Variants in VCF1 observed in about 807,000 individuals in gnomAD.
The protein encoded by VCF1 is VCP nuclear cofactor family member 1.
chr17:73,231,798 C>T, the VCF1 span, among the ~76,000 whole-genome samples: 1 of 151,998 alleles, frequency 6.6e-6, no homozygotes, highest in South Asian at 2.1e-4. Context: ...GGGCCACCGT[C>T]TCTCTTCCGG....
the VCF1 span, among the ~76,000 whole-genome samples, chr17:73,214,295 T>C: frequency 1.4e-5 from 2 of 145,512 alleles, no homozygotes; most frequent in African/African-American, 2.5e-5. Flanking sequence ...CAGCATCAAA[T>C]TGGTGGGTTA....
At chr17:73,225,882 AATATATATATATATATATTT>A in the VCF1 span, among the ~76,000 whole-genome samples, 1 of 74,716 alleles carries the variant, frequency 1.3e-5, no homozygotes, top group Non-Finnish European at 2.4e-5. Context: ...ATATATATAT[AATATATATATATATATATTT>A]TTTTTTTTTT....
the VCF1 span, among the ~76,000 whole-genome samples, chr17:73,224,734 G>T: frequency 6.6e-6 from 1 of 152,176 alleles, no homozygotes; most frequent in Non-Finnish European, 1.5e-5. Context: ...CATTTTAAAA[G>T]ATATTCCCTC....
At chr17:73,228,954 C>T in the VCF1 span, among the ~76,000 whole-genome samples, 1 of 152,172 alleles carries the variant, frequency 6.6e-6, no homozygotes, top group East Asian at 1.9e-4. Context: ...GTCACTCTAA[C>T]CAAACTTAGG....
the VCF1 span, among the ~76,000 whole-genome samples, chr17:73,228,000 T>A: frequency 6.6e-3 from 998 of 152,358 alleles, 17 homozygotes; most frequent in African/African-American, 0.023. Context: ...TCAGTCAAAT[T>A]GCCCGGAACT....
the VCF1 span, chr17:73,209,297 A>G: frequency 5.2e-6 from 3 of 574,754 alleles, no homozygotes; most frequent in South Asian, 2.1e-5. Context: ...TAGATTTGAT[A>G]CCCTCCCTCA....
chr17:73,228,174 C>T, the VCF1 span, among the ~76,000 whole-genome samples: 158 of 152,324 alleles, frequency 1.0e-3, no homozygotes, highest in Middle Eastern at 0.017. Context: ...AAGGACATTT[C>T]CGTCACTGCA....
the VCF1 span, among the ~76,000 whole-genome samples, chr17:73,231,700 C>T: frequency 6.6e-6 from 1 of 152,172 alleles, no homozygotes; most frequent in African/African-American, 2.4e-5. Flanking sequence ...GCCCGGTGCC[C>T]TCACAAAAGC....
the VCF1 span, among the ~76,000 whole-genome samples, chr17:73,219,415 CGAGGTGGGTGGATCACGAGGTCAG>C: frequency 7.7e-4 from 117 of 151,828 alleles, 1 homozygote; most frequent in South Asian, 0.023. Flanking sequence ...CTCTGGAGGC[CGAGGTGGGTGGATCACGAGGTCAG>C]GAGATTGAGA....
chr17:73,227,034 G>T, the VCF1 span: 2 of 648,904 alleles, frequency 3.1e-6, no homozygotes, highest in Non-Finnish European at 4.9e-6. Context: ...TTTGGAAACA[G>T]AAAGGTTAAA....
At chr17:73,219,014 C>T in the VCF1 span, among the ~76,000 whole-genome samples, 8 of 150,862 alleles carry the variant, frequency 5.3e-5, no homozygotes, top group South Asian at 2.1e-4. Context: ...AGCGAGACTC[C>T]GTCTCAAAAA....
At chr17:73,213,368 T>C in the VCF1 span, among the ~76,000 whole-genome samples, 1 of 152,230 alleles carries the variant, frequency 6.6e-6, no homozygotes, top group African/African-American at 2.4e-5. Flanking sequence ...ATGATGAAAT[T>C]CTATTCAGCC....
chr17:73,214,536 A>C, the VCF1 span, among the ~76,000 whole-genome samples: 5 of 152,224 alleles, frequency 3.3e-5, no homozygotes, highest in African/African-American at 1.2e-4. Context: ...ACCATTCTTC[A>C]CTTTTAACCC....
chr17:73,224,282 A>AAAAC, the VCF1 span, among the ~76,000 whole-genome samples: 4 of 151,232 alleles, frequency 2.6e-5, no homozygotes, highest in Admixed American at 2.6e-4. Context: ...AAAAAAAAAA[A>AAAAC]AAACCTTAAA....
chr17:73,222,060 A>T, the VCF1 span, among the ~76,000 whole-genome samples: 3 of 135,682 alleles, frequency 2.2e-5, no homozygotes, highest in Non-Finnish European at 3.2e-5. Context: ...AAAAAAAACT[A>T]GCCAGGTGTA....
At chr17:73,210,080 C>T in the VCF1 span, among the ~76,000 whole-genome samples, 1 of 152,328 alleles carries the variant, frequency 6.6e-6, no homozygotes, top group East Asian at 1.9e-4. Flanking sequence ...TTCTTTTGCA[C>T]ATATTCTATA....
At chr17:73,217,625 G>A in the VCF1 span, among the ~76,000 whole-genome samples, 1 of 149,686 alleles carries the variant, frequency 6.7e-6, no homozygotes, top group Non-Finnish European at 1.5e-5. Context: ...ACTCCAGCCT[G>A]GCGACAGAGT....
the VCF1 span, chr17:73,227,020 C>G: frequency 4.2e-3 from 2,391 of 569,334 alleles, 7 homozygotes; most frequent in Non-Finnish European, 5.9e-3. Context: ...CAAAGGGACC[C>G]TGATTTGGAA....
At chr17:73,216,750 C>A in the VCF1 span, among the ~76,000 whole-genome samples, 1 of 152,188 alleles carries the variant, frequency 6.6e-6, no homozygotes, top group Non-Finnish European at 1.5e-5. Context: ...AGTTGAAGTT[C>A]ATTTTCTTAG....
Sources: allele counts gnomAD v4.1 joint callset (sites outside exome capture counted in the v4.1 genomes callset), GRCh38; gene constraint gnomAD v4.1.1; transcripts MANE v1.5; gene names NCBI Gene and HGNC (gene_info 2026-07-23, HGNC 2026-07-21).